Variants in RPTOR observed in about 807,000 individuals in gnomAD.
RPTOR encodes the protein regulatory-associated protein of mTOR.
In RPTOR, 21 loss-of-function variants were observed where a neutral mutation model predicts 169.9. That is an observed-to-expected ratio of 0.12 (90% confidence interval 0.09 to 0.18). The LOEUF is 0.18. Among genes scored for constraint, RPTOR ranks in the 10% least tolerant of loss-of-function variants. The probability of loss-of-function intolerance (pLI) is 1.00; values close to 1 mark genes in which losing one functional copy is unlikely to be tolerated. For synonymous variants in RPTOR, 732 were observed against 753.2 expected (o/e 0.97, Z 0.46); for missense variants, 1,133 against 1,855.9 (o/e 0.61, Z 7.16).
At chr17:80,570,617 T>C (rs554786517) in intron 1 of RPTOR, among the ~76,000 whole-genome samples, 26 of 152,136 alleles carry the variant, frequency 1.7e-4, no homozygotes, top group African/African-American at 5.1e-4. Context: ...TCCACCACCA[T>C]GCCTGGCTAA....
chr17:80,611,615 A>G (rs902273634), intron 1 of RPTOR, among the ~76,000 whole-genome samples: 6 of 152,130 alleles, frequency 3.9e-5, no homozygotes, highest in African/African-American at 1.2e-4. Flanking sequence ...CACATCTCAT[A>G]AGAATTCAAA....
chr17:80,704,442 TGTCCATCATTTTCG>T (rs1274707022), intron 3 of RPTOR, among the ~76,000 whole-genome samples: 1 of 152,198 alleles, frequency 6.6e-6, no homozygotes, highest in Middle Eastern at 3.2e-3. Flanking sequence ...ATCCAGAATG[TGTCCATCATTTTCG>T]TAAGTCTTAG....
intron 20 of RPTOR, among the ~76,000 whole-genome samples, chr17:80,905,179 GTTTTTTTTTT>G (rs56239682): frequency 2.0e-5 from 3 of 149,604 alleles, no homozygotes; most frequent in African/African-American, 7.3e-5. Context: ...ATGCTCTCTT[GTTTTTTTTTT>G]TATGTGTATT....
intron 5 of RPTOR, among the ~76,000 whole-genome samples, chr17:80,736,762 C>A (rs1485651865): frequency 6.6e-6 from 1 of 152,180 alleles, no homozygotes; most frequent in Admixed American, 6.5e-5. Context: ...TCAGTTAGTT[C>A]TTTGGGTACC....
chr17:80,669,806 T>C (rs1235326131), intron 3 of RPTOR, among the ~76,000 whole-genome samples: 1 of 152,268 alleles, frequency 6.6e-6, no homozygotes, highest in Non-Finnish European at 1.5e-5. Flanking sequence ...TCATCTCTCT[T>C]TCCTCTTCCC....
intron 21 of RPTOR, among the ~76,000 whole-genome samples, chr17:80,912,235 A>AGT (rs2068622030): frequency 6.6e-6 from 1 of 152,120 alleles, no homozygotes; most frequent in Non-Finnish European, 1.5e-5. Context: ...GACACACAGG[A>AGT]GTGTCTGGTG....
chr17:80,566,595 C>T (rs935308401), intron 1 of RPTOR, among the ~76,000 whole-genome samples: 8 of 151,536 alleles, frequency 5.3e-5, no homozygotes, highest in South Asian at 2.1e-4. Context: ...CCGAGGCAGG[C>T]GGATCATGAG....
intron 7 of RPTOR, among the ~76,000 whole-genome samples, chr17:80,799,722 T>C (rs7208789): frequency 0.93 from 140,433 of 151,246 alleles, 65,253 homozygotes; most frequent in East Asian, 1. Flanking sequence ...CTCCCCTCCC[T>C]GGCGGCCGCC....
At chr17:80,625,650 A>T in intron 1 of RPTOR, 41 bp from the exon 2 acceptor site, 1 of 1,409,740 alleles carries the variant, frequency 7.1e-7, no homozygotes, top group Non-Finnish European at 1.0e-6. Context: ...AACGAGTTCC[A>T]TATTGAAATA....
intron 20 of RPTOR, among the ~76,000 whole-genome samples, chr17:80,903,023 C>G (rs1048182444): frequency 6.6e-6 from 1 of 152,234 alleles, no homozygotes; most frequent in Non-Finnish European, 1.5e-5. Flanking sequence ...CTAGATGGGA[C>G]CAGTTTTCAC....
intron 26 of RPTOR, among the ~76,000 whole-genome samples, chr17:80,946,905 G>T (rs970397236): frequency 1.3e-5 from 2 of 152,200 alleles, no homozygotes; most frequent in Non-Finnish European, 2.9e-5. Flanking sequence ...GCTGTTTTCT[G>T]CAGGAAATCC....
chr17:80,854,001 A>T (rs901483460), intron 11 of RPTOR, among the ~76,000 whole-genome samples: 4 of 152,024 alleles, frequency 2.6e-5, no homozygotes, highest in African/African-American at 9.7e-5. Flanking sequence ...AAAAGTGTAG[A>T]ACTTTAATAT....
At chr17:80,865,107 C>G (rs766456614) in intron 13 of RPTOR, among the ~76,000 whole-genome samples, 9 of 152,240 alleles carry the variant, frequency 5.9e-5, no homozygotes, top group Non-Finnish European at 1.2e-4. Flanking sequence ...GAAGTGGTCT[C>G]ATATCACCTG....
In RPTOR at chr17:80,857,843, C is replaced by T. The variant is rs1344005085; in HGVS notation, c.1452C>T (p.Ala484=). ...TGCTGAAGCTGCTCCAGAGCTCGGC[C>T]CGAGAGCTGCGGCCACTTCTCGTTT... ...PYVLKLLQSS[A]RELRPLLVFI... Residue 484 remains alanine, a synonymous_variant, in exon 13 of 34, where the codon GCC becomes GCT. Transcript: ENST00000306801. The T allele has an allele frequency of 6.2e-7, 1 of 1,613,192 alleles. No homozygotes were observed. The highest frequency in any genetic ancestry group is 8.5e-7 in the Non-Finnish European group (1 of 1,179,970).
At chr17:80,780,408 G>GGAATGCAGAAACCACCAAT (rs1337897462) in intron 6 of RPTOR, among the ~76,000 whole-genome samples, 3 of 152,106 alleles carry the variant, frequency 2.0e-5, no homozygotes, top group Non-Finnish European at 4.4e-5. Flanking sequence ...AAACCACCAC[G>GGAATGCAGAAACCACCAAT]GTTTAAATGC....
At chr17:80,662,445 T>A (rs1567844653) in intron 3 of RPTOR, among the ~76,000 whole-genome samples, 1 of 151,796 alleles carries the variant, frequency 6.6e-6, no homozygotes, top group Non-Finnish European at 1.5e-5. Flanking sequence ...TATGGATAAT[T>A]TGGTGGGCGG....
intron 4 of RPTOR, among the ~76,000 whole-genome samples, chr17:80,711,160 G>A (rs543594937): frequency 4.6e-5 from 7 of 152,138 alleles, no homozygotes; most frequent in Admixed American, 1.3e-4. Context: ...CAGTATCGGG[G>A]GTATCTGTGA....
At chr17:80,585,181 ATTATTATT>A (rs2065048481) in intron 1 of RPTOR, among the ~76,000 whole-genome samples, 1 of 129,452 alleles carries the variant, frequency 7.7e-6, no homozygotes, top group Non-Finnish European at 1.5e-5. Flanking sequence ...TATTATTATT[ATTATTATT>A]ATTATTATTA....
At chr17:80,829,746 G>A (rs370003332) in intron 9 of RPTOR, among the ~76,000 whole-genome samples, 5 of 152,214 alleles carry the variant, frequency 3.3e-5, no homozygotes, top group African/African-American at 7.2e-5. Flanking sequence ...CCTCCTGTGC[G>A]TGTCCAAGGG....
Sources: allele counts gnomAD v4.1 joint callset (sites outside exome capture counted in the v4.1 genomes callset), GRCh38; gene constraint gnomAD v4.1.1; transcripts MANE v1.5; gene names NCBI Gene and HGNC (gene_info 2026-07-23, HGNC 2026-07-21).